The following GRM7 variants were observed in gnomAD, a reference collection of about 807,000 sequenced individuals.
The protein encoded by GRM7 is metabotropic glutamate receptor 7.
GRM7 carries 35 observed loss-of-function variants against 84.5 expected under a neutral mutation model. That is an observed-to-expected ratio of 0.41 (90% CI 0.32 to 0.55). GRM7 has a LOEUF of 0.55. Among genes scored for constraint, GRM7 ranks in the 20% least tolerant of loss-of-function variants. The pLI is 0.19. For missense variants in GRM7, 1,003 were observed against 1,194.6 expected, an observed-to-expected ratio of 0.84 and a Z score of 2.36; for synonymous variants, 487 against 455.1, an observed-to-expected ratio of 1.07 and a Z score of -0.89.
intron 8 of GRM7, among the ~76,000 whole-genome samples, chr3:7,655,151 ACAGGTAAATTG>A (rs2125117942): frequency 6.6e-6 from 1 of 152,326 alleles, no homozygotes; most frequent in East Asian, 1.9e-4. Context: ...AAGTAGAAAA[ACAGGTAAATTG>A]ATGTCAAAAT....
intron 9 of GRM7, among the ~76,000 whole-genome samples, chr3:7,732,639 A>G (rs531448010): frequency 6.6e-6 from 1 of 152,348 alleles, no homozygotes; most frequent in Admixed American, 6.5e-5. Context: ...CGACTGCTTT[A>G]GCATTAAAGG....
At chr3:7,670,425 TG>T (rs1285957614) in intron 8 of GRM7, among the ~76,000 whole-genome samples, 1 of 152,228 alleles carries the variant, frequency 6.6e-6, no homozygotes, top group Non-Finnish European at 1.5e-5. Context: ...CCATTGTCGA[TG>T]GCTTTGAAAA....
At chr3:6,901,075 T>G (rs1696364212) in intron 1 of GRM7, among the ~76,000 whole-genome samples, 1 of 152,230 alleles carries the variant, frequency 6.6e-6, no homozygotes, top group African/African-American at 2.4e-5. Context: ...GCTCTAAAAT[T>G]AATGATTGGA....
intron 2 of GRM7, among the ~76,000 whole-genome samples, chr3:7,243,674 A>G (rs1433465833): frequency 6.6e-6 from 1 of 152,036 alleles, no homozygotes; most frequent in Non-Finnish European, 1.5e-5. Context: ...GCCCAGATAC[A>G]CTCATATATC....
chr3:7,215,923 A>G (rs935153317), intron 2 of GRM7, among the ~76,000 whole-genome samples: 14 of 152,182 alleles, frequency 9.2e-5, no homozygotes, highest in African/African-American at 3.4e-4. Flanking sequence ...AGGGATTCCC[A>G]TCCAGTCGTC....
chr3:7,103,309 T>C (rs980457482), intron 1 of GRM7, among the ~76,000 whole-genome samples: 5 of 151,940 alleles, frequency 3.3e-5, no homozygotes, highest in Middle Eastern at 6.8e-3. Flanking sequence ...TTCTGAAGTC[T>C]GGTCCAAAAG....
intron 1 of GRM7, among the ~76,000 whole-genome samples, chr3:7,080,256 T>TTTAGA (rs2124996316): frequency 6.6e-6 from 1 of 152,170 alleles, no homozygotes; most frequent in Admixed American, 6.6e-5. Context: ...ACTAAGCACT[T>TTTAGA]CTAAGACTGT....
chr3:6,998,119 C>CAAAAAAAAAGAAAAAAAAAAAAA (rs1694885519), intron 1 of GRM7, among the ~76,000 whole-genome samples: 1 of 18,432 alleles, frequency 5.4e-5, no homozygotes, highest in Non-Finnish European at 9.6e-5. Context: ...ATCTCCATCT[C>CAAAAAAAAAGAAAAAAAAAAAAA]AAAAAAAAAA....
intron 1 of GRM7, among the ~76,000 whole-genome samples, chr3:7,004,342 C>A (rs1348698022): frequency 1.3e-5 from 2 of 152,180 alleles, no homozygotes; most frequent in East Asian, 3.9e-4. Flanking sequence ...TGGAAGTATA[C>A]AAATGAGGTT....
intron 2 of GRM7, among the ~76,000 whole-genome samples, chr3:7,278,928 T>C (rs1699165248): frequency 6.6e-6 from 1 of 152,234 alleles, no homozygotes; most frequent in African/African-American, 2.4e-5. Context: ...TTAAATGTTA[T>C]TGAAATCTTA....
intron 1 of GRM7, among the ~76,000 whole-genome samples, chr3:7,001,972 A>C (rs1695028547): frequency 6.6e-6 from 1 of 152,190 alleles, no homozygotes; most frequent in Non-Finnish European, 1.5e-5. Flanking sequence ...GGAGACATTT[A>C]ATTCAGTTTA....
At chr3:7,034,656 G>T (rs1038682690) in intron 1 of GRM7, among the ~76,000 whole-genome samples, 1 of 151,992 alleles carries the variant, frequency 6.6e-6, no homozygotes, top group South Asian at 2.1e-4. Flanking sequence ...CTCAGCTTTG[G>T]CAAGTATAGA....
At chr3:6,870,211 G>A (rs568144199) in intron 1 of GRM7, among the ~76,000 whole-genome samples, 11 of 152,298 alleles carry the variant, frequency 7.2e-5, no homozygotes, top group African/African-American at 2.6e-4. Flanking sequence ...GGTCGGGTTG[G>A]TAGTGCTAGG....
chr3:7,335,628 GA>G (rs1428233100), intron 4 of GRM7, among the ~76,000 whole-genome samples: 5 of 151,844 alleles, frequency 3.3e-5, no homozygotes, highest in Non-Finnish European at 7.4e-5. Context: ...CTGTTTCTTT[GA>G]AAAGATAAGC....
Position 7,579,444 on chromosome 3 carries a change from G to A in GRM7, c.2451+87G>A, listed in dbSNP as rs916801708. 5.3e-6 allele frequency: 4 copies of A among 759,278 alleles called. No individual in the cohort carries two copies. In the South Asian group the frequency reaches 6.1e-5, roughly 12 times the overall value. The allele number at this position is 759,278 out of a possible 1,614,324, so 47.0% of individuals were successfully genotyped here. On this transcript the variant is annotated intron_variant, in intron 8 of 9. Coordinates refer to ENST00000357716, the MANE Select transcript of GRM7 (RefSeq NM_000844.4). ...AAACCAAATTGATTGTATAAAGTAA[G>A]AAGTTTCGTATATGCAGAATGGTAT...
At chr3:7,193,434 G>T (rs996569820) in intron 2 of GRM7, among the ~76,000 whole-genome samples, 32 of 152,176 alleles carry the variant, frequency 2.1e-4, no homozygotes, top group African/African-American at 7.5e-4. Flanking sequence ...ATAAAACCTT[G>T]TTGGCCATTA....
At chr3:6,876,192 C>T (rs1026567339) in intron 1 of GRM7, among the ~76,000 whole-genome samples, 7 of 151,648 alleles carry the variant, frequency 4.6e-5, no homozygotes, top group Admixed American at 3.9e-4. Context: ...CGCTTGAACC[C>T]GGGAGGCAGC....
intron 9 of GRM7, among the ~76,000 whole-genome samples, chr3:7,717,673 G>T (rs1352427132): frequency 2.0e-5 from 3 of 152,048 alleles, no homozygotes; most frequent in African/African-American, 7.2e-5. Flanking sequence ...GCTTAGCCAG[G>T]TGCAATGGCC....
Position 6,861,503 on chromosome 3 carries a change from G to A in GRM7, c.115G>A (p.Ala39Thr), listed in dbSNP as rs767313473. The change falls in exon 1 of 10, where the codon GCC becomes ACC. Residue 39 changes from alanine to threonine, a missense_variant. By Grantham distance (58) the Ala-to-Thr change is moderately conservative. Transcript: ENST00000357716. This position sits in a 1 kb window ranked among gnomAD's most constrained non-coding sequence, Gnocchi z 6.4. Reference protein sequence around the residue: ...AAAARGQEMYAPHSIRIEGDV... With the variant: ...AAAARGQEMYTPHSIRIEGDV... Reference sequence around the variant, plus strand: ...GGCGGCGCGCGGCCAGGAGATGTACGCCCCGCACTCAATCCGGATCGAGGG... The same window carrying A: ...GGCGGCGCGCGGCCAGGAGATGTACACCCCGCACTCAATCCGGATCGAGGG... 6.3e-6 allele frequency: 10 copies of A among 1,578,352 alleles called. No individual in the cohort carries two copies. In the East Asian group the frequency reaches 1.1e-4, roughly 18 times the overall value.
Sources: allele counts gnomAD v4.1 joint callset (sites outside exome capture counted in the v4.1 genomes callset), GRCh38; gene constraint gnomAD v4.1.1; non-coding constraint Gnocchi (gnomAD v3.1); transcripts MANE v1.5; gene names NCBI Gene and HGNC (gene_info 2026-07-23, HGNC 2026-07-21).